The following PLPBP variants were observed in gnomAD, a reference collection of about 807,000 sequenced individuals.
PLPBP encodes pyridoxal phosphate binding protein.
In PLPBP, 21 loss-of-function variants were observed where a neutral mutation model predicts 31.2. That is an observed-to-expected ratio of 0.67 (90% CI 0.48 to 0.97). The LOEUF (loss-of-function observed/expected upper bound fraction) is 0.97. Among genes scored for constraint, PLPBP ranks in the 50% least tolerant of loss-of-function variants. PLPBP has a pLI of 0.00. For missense variants in PLPBP, 308 were observed against 354.4 expected (o/e 0.87, Z 1.05); for synonymous variants, 124 against 135.6 (o/e 0.91, Z 0.59).
At chr8:37,771,671 G>T (rs898505001) in intron 4 of PLPBP, among the ~76,000 whole-genome samples, 1 of 151,936 alleles carries the variant, frequency 6.6e-6, no homozygotes, top group Non-Finnish European at 1.5e-5. Context: ...AAGTTAAAAA[G>T]CTCTTGCAGG....
intron 4 of PLPBP, 25 bp from the exon 5 acceptor site, chr8:37,772,729 AC>A (rs1259988166): frequency 3.1e-6 from 5 of 1,613,410 alleles, no homozygotes; most frequent in Non-Finnish European, 4.2e-6. Context: ...AATAAGGAAT[AC>A]TACTTTGCCT....
chr8:37,772,129 T>C (rs1339039081), intron 4 of PLPBP, among the ~76,000 whole-genome samples: 1 of 150,032 alleles, frequency 6.7e-6, no homozygotes, highest in Non-Finnish European at 1.5e-5. Flanking sequence ...CTAATATCCA[T>C]TAACGAGGAA....
intron 1 of PLPBP, among the ~76,000 whole-genome samples, chr8:37,763,500 T>C (rs1803539350): frequency 1.3e-5 from 2 of 152,316 alleles, no homozygotes; most frequent in South Asian, 4.1e-4. Context: ...TAGTCTTTCT[T>C]TGACTATTCC....
rs1804009566 is a variant in PLPBP, at chr8:37,779,512, T to C, written c.*1408T>C. On this transcript the variant is annotated 3_prime_UTR_variant, in exon 8 of 8. Coordinates refer to ENST00000328195, the MANE Select transcript of PLPBP (RefSeq NM_007198.4). The stretch of plus-strand genomic sequence containing the variant: ...TTCTCTAATAGTCATGACAAATGGC[T>C]TCAGTATGGCTTGTTTTTTATTTTC... The C allele has an allele frequency of 6.6e-6, 1 of 152,400 alleles. No homozygotes were observed. The highest frequency in any genetic ancestry group is 6.5e-5 in the Admixed American group (1 of 15,284). 9.4% of individuals were successfully genotyped at this position (152,400 alleles called of 1,614,324 possible). A position where few individuals can be genotyped will look rare whatever the true frequency, so the allele number is the denominator to read the frequency against.
At chr8:37,774,022 C>A (rs1402609493) in intron 5 of PLPBP, among the ~76,000 whole-genome samples, 1 of 151,858 alleles carries the variant, frequency 6.6e-6, no homozygotes, top group Non-Finnish European at 1.5e-5. Context: ...ACCAGCCTAG[C>A]CAACATGATG....
At chr8:37,769,525 G>GA (rs997893804) in intron 4 of PLPBP, among the ~76,000 whole-genome samples, 15 of 149,306 alleles carry the variant, frequency 1.0e-4, no homozygotes, top group East Asian at 7.8e-4. Flanking sequence ...TGTTTATAGG[G>GA]AAAAAAAATA....
Position 37,765,595 on chromosome 8 carries a change from G to T in PLPBP, c.169G>T (p.Ala57Ser). 2 of 1,614,180 alleles carry T rather than the reference G, an allele frequency of 1.2e-6. No homozygotes were observed. The highest frequency in any genetic ancestry group is 1.7e-6 in the Non-Finnish European group (2 of 1,180,002). ...CAAACCTGCAGACATGGTGATCGAG[G>T]CCTATGGACATGGGCAGCGCACTTT... ...KTKPADMVIE[A>S]YGHGQRTFGE... The change falls in exon 2 of 8, where the codon GCC (alanine) becomes TCC (serine). Residue 57 changes from alanine (A) to serine (S), a missense_variant. Physicochemically the swap from Ala to Ser is moderately conservative, Grantham distance 99 (BLOSUM62 1). Transcript: ENST00000328195.
chr8:37,768,587 C>T (rs1464245876), intron 4 of PLPBP, among the ~76,000 whole-genome samples: 2 of 151,178 alleles, frequency 1.3e-5, no homozygotes, highest in Non-Finnish European at 2.9e-5. Context: ...ATTCTTCTGC[C>T]TCAGCCTCCC....
chr8:37,767,064 A>C (rs1275026736), intron 4 of PLPBP, among the ~76,000 whole-genome samples: 6 of 151,580 alleles, frequency 4.0e-5, no homozygotes, highest in Non-Finnish European at 5.9e-5. Flanking sequence ...AAAAAAAAAA[A>C]AAAAACAAGA....
intron 4 of PLPBP, among the ~76,000 whole-genome samples, chr8:37,767,584 C>T (rs1411407170): frequency 6.6e-6 from 1 of 152,062 alleles, no homozygotes; most frequent in African/African-American, 2.4e-5. Context: ...TATCCATTCA[C>T]CTGTTGATGA....
At chr8:37,768,465 C>CTTTT (rs903134254) in intron 4 of PLPBP, among the ~76,000 whole-genome samples, 173 of 76,818 alleles carry the variant, frequency 2.3e-3, no homozygotes, top group Non-Finnish European at 2.7e-3. Context: ...TTTTGATTTT[C>CTTTT]TTTTTTTTTT....
chr8:37,767,799 CTTTTTTTTTT>C (rs1175107737), intron 4 of PLPBP, among the ~76,000 whole-genome samples: 1 of 98,936 alleles, frequency 1.0e-5, no homozygotes, highest in African/African-American at 4.3e-5. Flanking sequence ...CTTTTATTTA[CTTTTTTTTTT>C]TTTTTTTTTT....
intron 1 of PLPBP, 93 bp downstream of exon 1, chr8:37,762,851 T>G (rs1585927149): frequency 6.9e-7 from 1 of 1,457,578 alleles, no homozygotes; most frequent in Non-Finnish European, 9.1e-7. Context: ...CGCAGAGGGG[T>G]CTCCCAGAGA....
intron 1 of PLPBP, 120 bp from the exon 2 acceptor site, chr8:37,765,405 TG>T: frequency 1.1e-6 from 1 of 894,090 alleles, no homozygotes; most frequent in Non-Finnish European, 1.8e-6. Flanking sequence ...GTTGAAAAAA[TG>T]GATCTTACCT....
intron 1 of PLPBP, 96 bp downstream of exon 1, chr8:37,762,854 C>T: frequency 2.1e-6 from 3 of 1,449,238 alleles, no homozygotes; most frequent in South Asian, 2.6e-5. Flanking sequence ...AGAGGGGTCT[C>T]CCAGAGAGGC....
intron 7 of PLPBP, among the ~76,000 whole-genome samples, chr8:37,776,801 C>T (rs183470231): frequency 4.5e-4 from 69 of 152,148 alleles, no homozygotes; most frequent in Non-Finnish European, 8.4e-4. Context: ...GAGTCTCGCT[C>T]TATTGCCCAG....
intron 4 of PLPBP, among the ~76,000 whole-genome samples, chr8:37,771,206 G>T (rs1314915692): frequency 6.6e-6 from 1 of 151,888 alleles, no homozygotes; most frequent in Non-Finnish European, 1.5e-5. Flanking sequence ...GCGTGATCCC[G>T]GCTCACTGCA....
At position 37,762,652 on chromosome 8, in the gene PLPBP, C is replaced by T. The variant is rs1159484159; in HGVS notation, c.-8C>T. 7.0e-6 allele frequency: 11 copies of T among 1,572,542 alleles called. No homozygotes were observed. Among genetic ancestry groups the T allele is most frequent in the East Asian group, 2.3e-5 (1 of 43,476 alleles). On this transcript the variant is annotated 5_prime_UTR_variant, in exon 1 of 8. Coordinates refer to ENST00000328195, the MANE Select transcript of PLPBP (RefSeq NM_007198.4). ...GGGGGCCTGGGGCTCGGCGTCGGTC[C>T]CCGGGGGATGTGGAGAGCTGGCAGC...
chr8:37,768,136 A>G (rs1435093248), intron 4 of PLPBP, among the ~76,000 whole-genome samples: 1 of 151,686 alleles, frequency 6.6e-6, no homozygotes, highest in Non-Finnish European at 1.5e-5. Context: ...CCAACCCTGC[A>G]CTCCTAGGAT....
Sources: gnomAD v4.1 joint callset for allele counts (sites outside exome capture counted in the v4.1 genomes callset) on GRCh38, gnomAD v4.1.1 for gene constraint, MANE v1.5 for transcripts, NCBI Gene and HGNC (gene_info 2026-07-23, HGNC 2026-07-21) for gene names.